Variants in MAPT observed in about 807,000 individuals in gnomAD.
MAPT encodes the protein microtubule-associated protein tau.
A neutral mutation model predicts 67.9 loss-of-function variants in MAPT; 34 were observed. The observed-to-expected ratio is 0.50, with a 90% CI of 0.38 to 0.67. The LOEUF (loss-of-function observed/expected upper bound fraction) is 0.67, where lower values mean the gene tolerates loss of function less well. Among genes scored for constraint, MAPT ranks in the 30% least tolerant of loss-of-function variants. The pLI is 0.00. For missense variants in MAPT, 881 were observed against 1,115.2 expected (o/e 0.79, Z 2.99); for synonymous variants, 456 against 464.5 (o/e 0.98, Z 0.23).
chr17:46,015,485 C>A (rs1005052376), intron 11 of MAPT, among the ~76,000 whole-genome samples: 1 of 152,036 alleles, frequency 6.6e-6, no homozygotes, highest in Non-Finnish European at 1.5e-5. Context: ...CGGTGAAACC[C>A]GGTCTCTACT....
rs1475875807 is a variant in MAPT, at chr17:46,025,000, G to GA, written c.*830dup. On this transcript the variant is annotated 3_prime_UTR_variant, in exon 13 of 13. Transcript: ENST00000262410. The stretch of plus-strand genomic sequence containing the variant: ...CTTCGTGGATGACCTCCTTAGAAAA[G>GA]ACTGACCTTGATGTCTTGAGAGCGC... The GA allele has an allele frequency of 6.5e-6, 1 of 152,882 alleles. No homozygotes were observed. 9.5% of individuals were successfully genotyped at this position (152,882 alleles called of 1,614,324 possible).
chr17:45,949,025 T>C (rs984915810), intron 1 of MAPT, among the ~76,000 whole-genome samples: 1 of 152,276 alleles, frequency 6.6e-6, no homozygotes, highest in Non-Finnish European at 1.5e-5. Flanking sequence ...TGAGATATAA[T>C]TCATATGCCA....
chr17:45,999,509 C>T (rs768695610), intron 9 of MAPT: 1 of 1,613,970 alleles, frequency 6.2e-7, no homozygotes, highest in Admixed American at 1.7e-5. Context: ...TGGCCCAGTT[C>T]TTACAGCTCT....
intron 1 of MAPT, among the ~76,000 whole-genome samples, chr17:45,946,231 C>T (rs1427066806): frequency 6.6e-6 from 1 of 152,040 alleles, no homozygotes; most frequent in Admixed American, 6.6e-5. Flanking sequence ...CATTCGTGGA[C>T]ACAGGGAGGG....
chr17:45,997,350 G>A (rs2074572055), intron 9 of MAPT, among the ~76,000 whole-genome samples: 1 of 152,186 alleles, frequency 6.6e-6, no homozygotes, highest in Non-Finnish European at 1.5e-5. Context: ...GTGTGGGCGG[G>A]TGGGTTTCTT....
At chr17:45,984,611 T>C (rs59802024) in intron 5 of MAPT, among the ~76,000 whole-genome samples, 2,921 of 152,324 alleles carry the variant, frequency 0.019, 99 homozygotes, top group African/African-American at 0.067. Flanking sequence ...CCACTCTGCC[T>C]TGTGGCAGGA....
chr17:45,991,608 A>G (rs758469010), intron 8 of MAPT, 22 bp downstream of exon 8: 1 of 1,613,960 alleles, frequency 6.2e-7, no homozygotes, highest in East Asian at 2.2e-5. Context: ...GTTCTCTTGA[A>G]TCTTAGAGGA....
At chr17:45,978,123 G>A in intron 3 of MAPT, 1 of 536,916 alleles carries the variant, frequency 1.9e-6, no homozygotes, top group Non-Finnish European at 3.4e-6. Flanking sequence ...CCAAAGTGGA[G>A]AAAGTCTTTC....
chr17:45,941,726 C>T (rs1457916255), intron 1 of MAPT, among the ~76,000 whole-genome samples: 1 of 135,726 alleles, frequency 7.4e-6, no homozygotes, highest in East Asian at 2.2e-4. Context: ...TTCCTTCCTT[C>T]CTTCCTTCCT....
At chr17:45,907,311 C>T (rs892216598) in intron 1 of MAPT, among the ~76,000 whole-genome samples, 7 of 152,210 alleles carry the variant, frequency 4.6e-5, no homozygotes, top group Non-Finnish European at 7.3e-5. Context: ...CCATCTTCCC[C>T]GAAGCTTTCC....
intron 3 of MAPT, chr17:45,978,138 T>A (rs576130312): frequency 1.8e-6 from 1 of 566,710 alleles, no homozygotes; most frequent in African/African-American, 1.9e-5. Context: ...TCTTTCCTAC[T>A]AGGTCATAGC....
intron 1 of MAPT, among the ~76,000 whole-genome samples, chr17:45,926,978 T>C (rs1039190596): frequency 9.7e-5 from 14 of 143,600 alleles, no homozygotes; most frequent in Admixed American, 6.3e-4. Flanking sequence ...CATATATGTG[T>C]ATATATATAC....
rs1304148252 is a variant in MAPT, at chr17:45,983,377, G to A, written c.798G>A (p.Gln266=). 1 of 1,609,000 alleles carries A rather than the reference G, an allele frequency of 6.2e-7. No homozygotes were observed. Among genetic ancestry groups the A allele is most frequent in the Non-Finnish European group, 8.5e-7 (1 of 1,178,040 alleles). ...GRHAPELLKH[Q]LLGDLHQEGP... ...ACGCCCCTGAGCTGCTCAAGCACCA[G>A]CTTCTAGGAGACCTGCACCAGGAGG... Residue 266 remains glutamine, a synonymous_variant, in exon 5 of 13, where the codon CAG becomes CAA. Coordinates refer to ENST00000262410, the MANE Select transcript of MAPT (RefSeq NM_001377265.1).
intron 1 of MAPT, among the ~76,000 whole-genome samples, chr17:45,917,235 C>A (rs934070198): frequency 2.6e-5 from 4 of 152,218 alleles, no homozygotes; most frequent in Non-Finnish European, 5.9e-5. Flanking sequence ...TTGCAGAGTG[C>A]GAGCTCTGCC....
Position 45,971,683 on chromosome 17 carries a change from CAGGG to C in MAPT, c.134-168_134-165del, listed in dbSNP as rs777058019. Among the ~76,000 whole-genome samples the C allele has an allele frequency of 2.2e-4, 34 of 152,148 alleles. No individual in the cohort carries two copies. The highest frequency in any genetic ancestry group is 3.4e-4 in the Non-Finnish European group (23 of 68,022). On this transcript the variant is annotated intron_variant, in intron 2 of 12. Coordinates refer to ENST00000262410, the MANE Select transcript of MAPT (RefSeq NM_001377265.1). This position sits in a 1 kb window ranked among gnomAD's most constrained non-coding sequence, Gnocchi z 4.3. ...CTGGTGTGGGGCACAGTCGTGTTGG[CAGGG>C]AGGGAGGTGGGGTTGGTCCCCTTTG...
In MAPT at chr17:46,027,263, G is replaced by C. The variant is rs1337845514; in HGVS notation, c.*3092G>C. 6.6e-6 allele frequency: 1 copy of C among 152,656 alleles called. No individual in the cohort carries two copies. Among genetic ancestry groups the C allele is most frequent in the Non-Finnish European group, 1.5e-5 (1 of 68,098 alleles). 9.5% of individuals were successfully genotyped at this position (152,656 alleles called of 1,614,324 possible). A position where few individuals can be genotyped will look rare whatever the true frequency, so the allele number is the denominator to read the frequency against. ...CCCCCTTGTGGGGCAGGCTCTTGGG[G>C]CCAGCCTAAGATCATGGTTTAGGGT... On this transcript the variant is annotated 3_prime_UTR_variant, in exon 13 of 13. Coordinates refer to ENST00000262410, the MANE Select transcript of MAPT (RefSeq NM_001377265.1).
Position 45,915,408 on chromosome 17 carries a change from G to A in MAPT, c.-18+20722G>A, listed in dbSNP as rs1201148415. 6.6e-6 allele frequency among the ~76,000 whole-genome samples: 1 copy of A among 150,930 alleles called. No homozygotes were observed. Among genetic ancestry groups the A allele is most frequent in the Non-Finnish European group, 1.5e-5 (1 of 67,664 alleles). On this transcript the variant is annotated intron_variant, in intron 1 of 12. Transcript: ENST00000262410. This position sits in a 1 kb window ranked among gnomAD's most constrained non-coding sequence, Gnocchi z 4.4. ...TTGTGTATGGTGTGTGCATGAGCAT[G>A]TGTGTGGGCATGTGATGTGTGTGTG...
At chr17:46,015,411 G>A (rs1427881015) in intron 11 of MAPT, among the ~76,000 whole-genome samples, 1 of 151,544 alleles carries the variant, frequency 6.6e-6, no homozygotes, top group Non-Finnish European at 1.5e-5. Flanking sequence ...TGTAATCCCA[G>A]CACTTTGGGA....
intron 3 of MAPT, chr17:45,974,274 T>C (rs1200072621): frequency 1.3e-6 from 1 of 796,502 alleles, no homozygotes; most frequent in Non-Finnish European, 2.1e-6. Flanking sequence ...GGCATATGGC[T>C]GATCCCCTCC....
Sources: gnomAD v4.1 joint callset for allele counts (sites outside exome capture counted in the v4.1 genomes callset) on GRCh38, gnomAD v4.1.1 for gene constraint, Gnocchi (gnomAD v3.1) non-coding constraint, MANE v1.5 for transcripts, NCBI Gene and HGNC (gene_info 2026-07-23, HGNC 2026-07-21) for gene names.